Variants in RPS6KA6 observed in about 807,000 individuals in gnomAD.
RPS6KA6 encodes the protein ribosomal protein S6 kinase alpha-6.
RPS6KA6 carries 27 observed loss-of-function variants against 65.4 expected under a neutral mutation model. The observed-to-expected ratio is 0.41, with a 90% confidence interval of 0.30 to 0.57. The LOEUF is 0.57. Among genes scored for constraint, RPS6KA6 ranks in the 20% least tolerant of loss-of-function variants. The pLI is 0.24. For synonymous variants in RPS6KA6, 190 were observed against 184.2 expected, an observed-to-expected ratio of 1.03 and a Z score of -0.26; for missense variants, 486 against 555.6, an observed-to-expected ratio of 0.87 and a Z score of 1.26.
At chrX:84,114,894 T>C (rs755680881) in intron 12 of RPS6KA6, among the ~76,000 whole-genome samples, 1 of 111,488 alleles carries the variant, frequency 9.0e-6, no homozygotes, top group South Asian at 3.8e-4. Flanking sequence ...ATTGGGAAAA[T>C]TGCCTAGCCA....
intron 1 of RPS6KA6, among the ~76,000 whole-genome samples, chrX:84,167,731 G>C (rs941359365): frequency 1.8e-5 from 2 of 110,917 alleles, no homozygotes; most frequent in African/African-American, 6.6e-5. Context: ...TGGTTGCAAG[G>C]AGTTAGGGAT....
At chrX:84,113,934 A>G (rs1166397755) in intron 12 of RPS6KA6, among the ~76,000 whole-genome samples, 1 of 112,242 alleles carries the variant, frequency 8.9e-6, no homozygotes, top group Non-Finnish European at 1.9e-5. Context: ...AGTAATGTTT[A>G]AAAAAATAAA....
At position 84,151,816 on chromosome X, in the gene RPS6KA6, G is replaced by A. The variant is rs183522136; in HGVS notation, c.259-3693C>T. 2.1e-4 allele frequency among the ~76,000 whole-genome samples: 24 copies of A among 112,160 alleles called. 1 individual carries two copies. The East Asian group carries it at 6.8e-3, about 32-fold the overall frequency. ...TATGTAATAAAATGAAGACTACAAT[G>A]ACTACTGGTACCATTTGAAGTCACT... On this transcript the variant is annotated intron_variant, in intron 3 of 21. Coordinates refer to ENST00000262752, the MANE Select transcript of RPS6KA6 (RefSeq NM_014496.5).
At chrX:84,093,624 T>C (rs896672022) in intron 20 of RPS6KA6, among the ~76,000 whole-genome samples, 3 of 112,196 alleles carry the variant, frequency 2.7e-5, no homozygotes, top group Non-Finnish European at 3.8e-5. Context: ...AAACACCAGA[T>C]AGGCCTAAAC....
At chrX:84,161,561 G>GA (rs911769342) in intron 2 of RPS6KA6, among the ~76,000 whole-genome samples, 21 of 109,500 alleles carry the variant, frequency 1.9e-4, no homozygotes, top group African/African-American at 5.6e-4. Flanking sequence ...ACAAATAGAG[G>GA]AAAAAAAAAT....
intron 1 of RPS6KA6, among the ~76,000 whole-genome samples, chrX:84,184,264 T>C (rs185427030): frequency 4.5e-4 from 50 of 112,327 alleles, no homozygotes; most frequent in Middle Eastern, 4.6e-3. Flanking sequence ...GCTTACGAAA[T>C]GGAAGGCTGC....
intron 19 of RPS6KA6, among the ~76,000 whole-genome samples, chrX:84,096,557 G>A (rs930021445): frequency 2.7e-5 from 3 of 111,213 alleles, no homozygotes; most frequent in Non-Finnish European, 5.7e-5. Context: ...GCTAATCAAT[G>A]TAAAATAAAA....
intron 20 of RPS6KA6, among the ~76,000 whole-genome samples, chrX:84,074,581 T>C (rs2033617939): frequency 8.9e-6 from 1 of 112,231 alleles, no homozygotes; most frequent in Non-Finnish European, 1.9e-5. Flanking sequence ...TATCCTGATT[T>C]GAACATCATA....
At chrX:84,068,411 T>C (rs1391598901) in intron 20 of RPS6KA6, among the ~76,000 whole-genome samples, 2 of 111,798 alleles carry the variant, frequency 1.8e-5, no homozygotes, top group Non-Finnish European at 3.8e-5. Context: ...AACTAGGTAT[T>C]GATGAAACAT....
rs2034373156 is a variant in RPS6KA6, at chrX:84,107,017, C to T, written c.1135G>A (p.Ala379Thr). 2 of 1,198,441 alleles carry T rather than the reference C, an allele frequency of 1.7e-6. No homozygotes were observed. The highest frequency in any genetic ancestry group is 2.3e-6 in the Non-Finnish European group (2 of 888,656). ...PKDSPGLPAS[A>T]NAHQLFKGFS... ...CCTTTGAAGAGCTGATGAGCATTTGCACTGGCTGGCAAACCGGGAGAATCT... is the reference window on the plus strand; with the variant it reads ...CCTTTGAAGAGCTGATGAGCATTTGTACTGGCTGGCAAACCGGGAGAATCT... Residue 379 changes from alanine to threonine, a missense_variant, in exon 14 of 22, where the codon GCA becomes ACA. By Grantham distance (58) the Ala-to-Thr change is moderately conservative. Transcript: ENST00000262752.
At chrX:84,155,423 G>A (rs2147581836) in intron 3 of RPS6KA6, among the ~76,000 whole-genome samples, 1 of 111,291 alleles carries the variant, frequency 9.0e-6, no homozygotes, top group Admixed American at 9.6e-5. Context: ...TGTATTAGAT[G>A]TTAGGTATAT....
At chrX:84,187,088 G>T (rs754151084) in intron 1 of RPS6KA6, among the ~76,000 whole-genome samples, 1 of 111,490 alleles carries the variant, frequency 9.0e-6, no homozygotes, top group Non-Finnish European at 1.9e-5. Context: ...TATTTATAAG[G>T]GCTGGGGTTT....
At chrX:84,081,485 A>C (rs945063467) in intron 20 of RPS6KA6, among the ~76,000 whole-genome samples, 2 of 111,863 alleles carry the variant, frequency 1.8e-5, no homozygotes, top group African/African-American at 6.5e-5. Flanking sequence ...ATAGCCTACC[A>C]ACCAAAAAAA....
At chrX:84,115,040 T>C (rs999978762) in intron 12 of RPS6KA6, among the ~76,000 whole-genome samples, 2 of 112,203 alleles carry the variant, frequency 1.8e-5, no homozygotes, top group Non-Finnish European at 3.8e-5. Context: ...CTTCTGGACA[T>C]TGATCTATAC....
At chrX:84,070,227 C>T (rs2033509286) in intron 20 of RPS6KA6, among the ~76,000 whole-genome samples, 1 of 111,476 alleles carries the variant, frequency 9.0e-6, no homozygotes. Context: ...TATTATGCAG[C>T]CATCATGTCC....
At chrX:84,105,568 T>G (rs919655326) in intron 16 of RPS6KA6, among the ~76,000 whole-genome samples, 4 of 110,938 alleles carry the variant, frequency 3.6e-5, no homozygotes, top group Middle Eastern at 4.3e-3. Flanking sequence ...ATGAGGAAAT[T>G]CTCATTTACC....
At chrX:84,080,788 CAG>C (rs781284865) in intron 20 of RPS6KA6, among the ~76,000 whole-genome samples, 11 of 111,096 alleles carry the variant, frequency 9.9e-5, no homozygotes, top group Non-Finnish European at 2.1e-4. Flanking sequence ...TCTAGGAAAA[CAG>C]TGCAATCAAA....
intron 9 of RPS6KA6, among the ~76,000 whole-genome samples, chrX:84,117,671 CTGT>C (rs2034594958): frequency 9.0e-6 from 1 of 111,109 alleles, no homozygotes; most frequent in Non-Finnish European, 1.9e-5. Context: ...TGATGGTGAC[CTGT>C]AGCAGATGAA....
intron 20 of RPS6KA6, among the ~76,000 whole-genome samples, chrX:84,066,054 G>A: frequency 9.0e-6 from 1 of 111,369 alleles, no homozygotes. Flanking sequence ...AAAGCTGTGA[G>A]GGACTGTGCT....
Sources: allele counts gnomAD v4.1 joint callset (sites outside exome capture counted in the v4.1 genomes callset), GRCh38; gene constraint gnomAD v4.1.1; transcripts MANE v1.5; gene names NCBI Gene and HGNC (gene_info 2026-07-23, HGNC 2026-07-21).